AHI1: variants seen among roughly 807,000 people sequenced by gnomAD.
The protein encoded by AHI1 is Abelson helper integration site 1.
A neutral mutation model predicts 149.3 loss-of-function variants in AHI1; 123 were observed. That is an observed-to-expected ratio of 0.82 (90% CI 0.71 to 0.96). The LOEUF is 0.96. Among genes scored for constraint, AHI1 ranks in the 40% least tolerant of loss-of-function variants. AHI1 has a pLI of 0.00. For synonymous variants in AHI1, 475 were observed against 459.8 expected (o/e 1.03, Z -0.42); for missense variants, 1,439 against 1,422.7 (o/e 1.01, Z -0.18).
intron 20 of AHI1, among the ~76,000 whole-genome samples, chr6:135,412,833 A>G (rs1227186686): frequency 1.3e-5 from 2 of 152,216 alleles, no homozygotes; most frequent in Non-Finnish European, 2.9e-5. Flanking sequence ...CAATGGATAA[A>G]CCTTCAGGGA....
intron 20 of AHI1, among the ~76,000 whole-genome samples, chr6:135,412,204 T>C (rs1202563846): frequency 1.3e-5 from 2 of 152,140 alleles, no homozygotes; most frequent in African/African-American, 4.8e-5. Flanking sequence ...AAAAATACAG[T>C]ATGATAACTA....
Position 135,451,684 on chromosome 6 carries a change from A to G in AHI1, c.1440+1657T>C, listed in dbSNP as rs933495210. ...TGAATAAATAAATAAAAATCCATAT[A>G]GTACTTAGAGGTAGAAATGCCCTGA... On this transcript the variant is annotated intron_variant, in intron 11 of 28. Coordinates refer to ENST00000265602, the MANE Select transcript of AHI1 (RefSeq NM_001134831.2). Among the ~76,000 whole-genome samples the G allele has an allele frequency of 4.6e-5, 7 of 152,200 alleles. No homozygotes were observed. The East Asian group carries it at 9.6e-4, about 21-fold the overall frequency.
At chr6:135,463,670 C>T (rs1438344868) in intron 7 of AHI1, among the ~76,000 whole-genome samples, 1 of 152,102 alleles carries the variant, frequency 6.6e-6, no homozygotes, top group Non-Finnish European at 1.5e-5. Context: ...TTTTAAATTA[C>T]CTTATTTAAA....
At chr6:135,494,876 T>G (rs1481745247) in intron 3 of AHI1, among the ~76,000 whole-genome samples, 1 of 152,170 alleles carries the variant, frequency 6.6e-6, no homozygotes, top group African/African-American at 2.4e-5. Flanking sequence ...GTTGCCTATA[T>G]ACTGTGTGGC....
At position 135,491,062 on chromosome 6, in the gene AHI1, C is replaced by T. The variant is rs113728995; in HGVS notation, c.11-315G>A. Among the ~76,000 whole-genome samples, 1,828 of 152,220 alleles carry T rather than the reference C, an allele frequency of 0.012. 43 individuals are homozygous for T. Among genetic ancestry groups the T allele is most frequent in the African/African-American group, 0.042 (1,741 of 41,534 alleles). ...GTTATGTGGCTTTAGACAAGTTACT[C>T]AAGATCTCTAAACTTCATTTTCCTT... is the stretch of plus-strand genomic sequence containing the variant. On this transcript the variant is annotated intron_variant, in intron 4 of 28. Coordinates refer to ENST00000265602, the MANE Select transcript of AHI1 (RefSeq NM_001134831.2).
At chr6:135,387,954 A>G in intron 23 of AHI1, 1 of 1,613,392 alleles carries the variant, frequency 6.2e-7, no homozygotes. Flanking sequence ...AGGTCGGCTC[A>G]GTTCTTCTGG....
rs1335186932 is a variant in AHI1, at chr6:135,364,043, G to A, written c.3110-5856C>T. Among the ~76,000 whole-genome samples the A allele has an allele frequency of 6.1e-4, 90 of 147,366 alleles. 1 individual carries two copies. The highest frequency in any genetic ancestry group is 2.1e-3 in the Admixed American group (31 of 14,916). ...CGGGCAGAGGCGCCCCTCACCTCCC[G>A]GACAGGGCGGCTGGCCGGGCGGGGG... On this transcript the variant is annotated intron_variant, in intron 23 of 28. Transcript: ENST00000265602.
chr6:135,338,573 A>G (rs1206502428), intron 24 of AHI1, among the ~76,000 whole-genome samples: 1 of 152,252 alleles, frequency 6.6e-6, no homozygotes, highest in Admixed American at 6.5e-5. Flanking sequence ...CAACAATGCA[A>G]GAACACTGGG....
rs6928455 is a variant in AHI1 at position 135,496,997 on chromosome 6, C to T, written c.-140+191G>A. 0.84 allele frequency among the ~76,000 whole-genome samples: 128,613 copies of T among 152,264 alleles called. 55,907 individuals carry two copies. Among genetic ancestry groups the T allele is most frequent in the East Asian group, 0.96 (4,963 of 5,182 alleles). On this transcript the variant is annotated intron_variant, in intron 2 of 28. Coordinates refer to ENST00000265602, the MANE Select transcript of AHI1 (RefSeq NM_001134831.2). ...CTGTTAATGCAACAGGTGAAAAAATCGTTGGCATCTCTTTCTCAAAAGAAA... is the reference window on the plus strand; with the variant it reads ...CTGTTAATGCAACAGGTGAAAAAATTGTTGGCATCTCTTTCTCAAAAGAAA...
intron 26 of AHI1, among the ~76,000 whole-genome samples, chr6:135,305,940 G>A (rs921354160): frequency 2.0e-5 from 3 of 151,926 alleles, no homozygotes; most frequent in African/African-American, 4.8e-5. Context: ...CCACCCACCC[G>A]GCTCCTCTTA....
chr6:135,354,176 C>A (rs1219582651), intron 24 of AHI1, among the ~76,000 whole-genome samples: 6 of 152,086 alleles, frequency 3.9e-5, no homozygotes, highest in African/African-American at 1.4e-4. Context: ...GTTCTCTCTA[C>A]CGGGGTTACA....
chr6:135,293,269 C>G (rs1782586996), intron 27 of AHI1, among the ~76,000 whole-genome samples: 1 of 151,720 alleles, frequency 6.6e-6, no homozygotes, highest in Admixed American at 6.6e-5. Flanking sequence ...TAACATCATA[C>G]TTCATGGTAA....
At chr6:135,363,804 C>T (rs1356793316) in intron 23 of AHI1, among the ~76,000 whole-genome samples, 18 of 148,902 alleles carry the variant, frequency 1.2e-4, no homozygotes, top group African/African-American at 3.0e-4. Flanking sequence ...GGGTGGTGGC[C>T]GGGCAGAGGG....
chr6:135,325,404 A>C (rs1787513725), intron 24 of AHI1, among the ~76,000 whole-genome samples: 1 of 151,822 alleles, frequency 6.6e-6, no homozygotes, highest in South Asian at 2.1e-4. Context: ...TTGTTCTCCA[A>C]ATTTCTCTTT....
intron 24 of AHI1, among the ~76,000 whole-genome samples, chr6:135,329,265 T>C (rs999443283): frequency 2.6e-5 from 4 of 152,178 alleles, no homozygotes; most frequent in Non-Finnish European, 5.9e-5. Flanking sequence ...CTTTCATAGC[T>C]AGAGAGGAGA....
chr6:135,298,902 T>G (rs1783503842), intron 27 of AHI1, among the ~76,000 whole-genome samples: 1 of 152,160 alleles, frequency 6.6e-6, no homozygotes, highest in Admixed American at 6.5e-5. Context: ...TGCGTAATAT[T>G]AAGTAAAAAG....
chr6:135,488,635 G>A (rs1794816236), intron 5 of AHI1, among the ~76,000 whole-genome samples: 2 of 152,212 alleles, frequency 1.3e-5, no homozygotes, highest in East Asian at 3.9e-4. Context: ...AATAATATTT[G>A]TAAAACTCTT....
intron 5 of AHI1, among the ~76,000 whole-genome samples, chr6:135,479,561 T>C (rs978240338): frequency 1.8e-4 from 28 of 152,246 alleles, no homozygotes; most frequent in African/African-American, 6.3e-4. Flanking sequence ...TGTCCCCACA[T>C]TGTATCTTGG....
chr6:135,364,759 G>A (rs540810695), intron 23 of AHI1, among the ~76,000 whole-genome samples: 4 of 152,394 alleles, frequency 2.6e-5, no homozygotes, highest in Admixed American at 1.3e-4. Context: ...AGGCGTGGCG[G>A]CGCACGCCTG....
Sources: allele counts gnomAD v4.1 joint callset (sites outside exome capture counted in the v4.1 genomes callset), GRCh38; gene constraint gnomAD v4.1.1; transcripts MANE v1.5; gene names NCBI Gene and HGNC (gene_info 2026-07-23, HGNC 2026-07-21).